The following TUSC3 variants were observed in gnomAD, a reference collection of about 807,000 sequenced individuals.
TUSC3 encodes the protein tumor suppressor candidate 3, also known as dolichyl-diphosphooligosaccharide--protein glycosyltransferase subunit TUSC3.
A neutral mutation model predicts 44.8 loss-of-function variants in TUSC3; 45 were observed. That is an observed-to-expected ratio of 1.00 (90% CI 0.79 to 1.29). TUSC3 has a LOEUF of 1.29. TUSC3 is among the 50% of genes most tolerant of loss of function. TUSC3 has a pLI of 0.00. For missense variants in TUSC3, 519 were observed against 437.9 expected (o/e 1.19, Z -1.65); for synonymous variants, 212 against 152.9 (o/e 1.39, Z -2.85).
intron 6 of TUSC3, among the ~76,000 whole-genome samples, chr8:15,715,466 G>GTGTGGATATGCTCTACGAAGGCA (rs1563186931): frequency 1.3e-5 from 2 of 152,140 alleles, no homozygotes; most frequent in African/African-American, 2.4e-5. Context: ...AGCATGTACA[G>GTGTGGATATGCTCTACGAAGGCA]TGTGGATATG....
chr8:15,756,056 T>C (rs1766311409), intron 9 of TUSC3, among the ~76,000 whole-genome samples: 1 of 152,196 alleles, frequency 6.6e-6, no homozygotes, highest in African/African-American at 2.4e-5. Context: ...CATTAGACTC[T>C]GTCTTAGGGA....
the TUSC3 span, among the ~76,000 whole-genome samples, chr8:15,817,456 C>G: frequency 6.6e-6 from 1 of 152,272 alleles, no homozygotes; most frequent in African/African-American, 2.4e-5. Flanking sequence ...ACCTAAATCT[C>G]ATCCTGAATT....
intron 1 of TUSC3, among the ~76,000 whole-genome samples, chr8:15,605,113 A>G (rs920374851): frequency 2.6e-5 from 4 of 151,848 alleles, no homozygotes; most frequent in Non-Finnish European, 5.9e-5. Context: ...AAACATCCTC[A>G]TTTTCTCAAA....
At chr8:15,451,192 C>A (rs933743473) in intron 1 of TUSC3, among the ~76,000 whole-genome samples, 1 of 152,114 alleles carries the variant, frequency 6.6e-6, no homozygotes, top group African/African-American at 2.4e-5. Context: ...TGTCTTATTT[C>A]TTGTATCACA....
In TUSC3 at chr8:15,626,104, G is replaced by A. The variant is rs1265942739; in HGVS notation, c.308+2855G>A. ...GGCAGTGGGGAGACCCGTGTGCACC[G>A]TGCCCCCTGTGCCCTGTGTCCCCAA... On this transcript the variant is annotated intron_variant, in intron 2 of 10. Transcript: ENST00000503731. 3.9e-5 allele frequency among the ~76,000 whole-genome samples: 6 copies of A among 152,248 alleles called. No individual in the cohort carries two copies. The East Asian group carries it at 5.8e-4, about 15-fold the overall frequency.
chr8:15,764,294 C>T lies in TUSC3; in HGVS notation c.*138C>T. ...TCCTGACTTTATACTATTTTGAATT[C>T]ATTCATTTCATTGTGATCAGCTAGC... On this transcript the variant is annotated 3_prime_UTR_variant, in exon 11 of 11. Transcript: ENST00000503731. 1 of 1,457,728 alleles carries T rather than the reference C, an allele frequency of 6.9e-7. No individual in the cohort carries two copies. Among genetic ancestry groups the T allele is most frequent in the Non-Finnish European group, 9.6e-7 (1 of 1,047,050 alleles). 90.3% of individuals were successfully genotyped at this position (1,457,728 alleles called of 1,614,324 possible).
chr8:15,461,292 T>C (rs948885979), intron 1 of TUSC3, among the ~76,000 whole-genome samples: 12 of 152,124 alleles, frequency 7.9e-5, no homozygotes, highest in African/African-American at 2.9e-4. Context: ...TGTTTGTTTT[T>C]GCAGCTATTG....
At chr8:15,521,013 T>G (rs896967023) in intron 2 of TUSC3, among the ~76,000 whole-genome samples, 1 of 152,162 alleles carries the variant, frequency 6.6e-6, no homozygotes, top group Non-Finnish European at 1.5e-5. Context: ...CTCCCCAAAC[T>G]GGGAAAGTGC....
At chr8:15,445,685 A>G (rs1441377792) in intron 1 of TUSC3, among the ~76,000 whole-genome samples, 1 of 152,242 alleles carries the variant, frequency 6.6e-6, no homozygotes. Context: ...TTCTTAGTAC[A>G]AAACAAAATG....
At chr8:15,807,238 A>C in the TUSC3 span, 170 of 657,782 alleles carry the variant, frequency 2.6e-4, 2 homozygotes, top group South Asian at 2.7e-3. Context: ...CCCCACCCCC[A>C]GGCATTATGC....
intron 6 of TUSC3, 95 bp downstream of exon 6, chr8:15,673,931 T>C: frequency 9.4e-7 from 1 of 1,064,506 alleles, no homozygotes; most frequent in Non-Finnish European, 1.4e-6. Context: ...GAAAAGATTC[T>C]GTTTGTCAGT....
intron 2 of TUSC3, among the ~76,000 whole-genome samples, chr8:15,527,229 T>A (rs546211832): frequency 3.3e-5 from 5 of 152,270 alleles, no homozygotes; most frequent in African/African-American, 1.2e-4. Context: ...TTTATTTATT[T>A]ATTTAGAGAC....
At chr8:15,462,408 G>A (rs1350616602) in intron 1 of TUSC3, among the ~76,000 whole-genome samples, 1 of 151,994 alleles carries the variant, frequency 6.6e-6, no homozygotes. Context: ...TATTTTCATT[G>A]CAGAGATAGG....
chr8:15,643,528 A>G (rs1806482866), intron 2 of TUSC3, among the ~76,000 whole-genome samples: 1 of 152,112 alleles, frequency 6.6e-6, no homozygotes. Flanking sequence ...GCTTTAAAAT[A>G]TGTATTTGGA....
chr8:15,795,673 A>G, the TUSC3 span, among the ~76,000 whole-genome samples: 1 of 152,214 alleles, frequency 6.6e-6, no homozygotes, highest in South Asian at 2.1e-4. Flanking sequence ...GAGTCCCTGG[A>G]AAGAAGGCAT....
chr8:15,648,725 C>CAAAAAAAAA (rs58526383), intron 2 of TUSC3, among the ~76,000 whole-genome samples: 1,006 of 26,142 alleles, frequency 0.038, 308 homozygotes, highest in Non-Finnish European at 0.049. Context: ...GACTCTGTGT[C>CAAAAAAAAA]AAAAAAAAAA....
intron 2 of TUSC3, among the ~76,000 whole-genome samples, chr8:15,650,095 G>T (rs1267527226): frequency 6.6e-6 from 1 of 152,110 alleles, no homozygotes; most frequent in Non-Finnish European, 1.5e-5. Flanking sequence ...TCTTAGAGAA[G>T]GAATGTTTGT....
intron 1 of TUSC3, among the ~76,000 whole-genome samples, chr8:15,602,295 C>G (rs1804322025): frequency 1.3e-5 from 2 of 151,518 alleles, no homozygotes; most frequent in African/African-American, 4.8e-5. Context: ...AACTATTTAG[C>G]TTTTGTGGAT....
chr8:15,702,364 G>A (rs138087518), intron 6 of TUSC3, among the ~76,000 whole-genome samples: 1 of 152,226 alleles, frequency 6.6e-6, no homozygotes, highest in Non-Finnish European at 1.5e-5. Flanking sequence ...GCCAATTTTA[G>A]CTTTAGAATG....
Sources: gnomAD v4.1 joint callset for allele counts (sites outside exome capture counted in the v4.1 genomes callset) on GRCh38, gnomAD v4.1.1 for gene constraint, MANE v1.5 for transcripts, NCBI Gene and HGNC (gene_info 2026-07-23, HGNC 2026-07-21) for gene names.